Variants in CD46 observed in about 807,000 individuals in gnomAD.
CD46 encodes the protein membrane cofactor protein.
In CD46, 30 loss-of-function variants were observed where a neutral mutation model predicts 53.3. That is an observed-to-expected ratio of 0.56 (90% CI 0.42 to 0.76). The LOEUF is 0.76. Ranked by LOEUF, CD46 falls within the 30% of genes least tolerant of loss-of-function variation. The probability of loss-of-function intolerance (pLI) is 0.00; values close to 1 mark genes in which losing one functional copy is unlikely to be tolerated. For synonymous variants in CD46, 142 were observed against 152.0 expected (o/e 0.93, Z 0.48); for missense variants, 409 against 463.0 (o/e 0.88, Z 1.07).
At chr1:207,785,592 T>G in intron 10 of CD46, 27 bp from the exon 11 acceptor site, 2 of 1,526,376 alleles carry the variant, frequency 1.3e-6, no homozygotes, top group South Asian at 2.2e-5. Context: ...CAGAATTATA[T>G]GTCATTTGTT....
intron 3 of CD46, among the ~76,000 whole-genome samples, chr1:207,758,384 A>G (rs2102545833): frequency 6.6e-6 from 1 of 152,302 alleles, no homozygotes; most frequent in Admixed American, 6.5e-5. Context: ...GCTGCATCAT[A>G]ACATGCTGGA....
intron 5 of CD46, among the ~76,000 whole-genome samples, chr1:207,766,644 C>T (rs1359202950): frequency 2.0e-5 from 3 of 152,038 alleles, no homozygotes; most frequent in Non-Finnish European, 4.4e-5. Context: ...CCACCACCAC[C>T]CCCCTGCAGT....
chr1:207,779,723 T>C (rs905525811), intron 8 of CD46, among the ~76,000 whole-genome samples: 1 of 152,080 alleles, frequency 6.6e-6, no homozygotes, highest in African/African-American at 2.4e-5. Context: ...TAATGAGATA[T>C]ATGGTTCCAC....
chr1:207,755,357 G>C (rs536806416), intron 1 of CD46, among the ~76,000 whole-genome samples: 5 of 152,170 alleles, frequency 3.3e-5, no homozygotes, highest in South Asian at 2.1e-4. Flanking sequence ...AAAATGAGAA[G>C]TCACGATGCT....
intron 5 of CD46, 140 bp downstream of exon 5, chr1:207,761,586 G>A: frequency 1.4e-6 from 1 of 696,784 alleles, no homozygotes; most frequent in Non-Finnish European, 2.5e-6. Context: ...TTTAATTCAG[G>A]TCAATTCAAG....
At position 207,775,797 on chromosome 1, in the gene CD46, C is replaced by G. The variant is rs564160436; in HGVS notation, c.943+5435C>G. ...TGTTTGTCGGCCGCTACTGGGAGGT[C>G]TTTCCCAGTCAGGCTACATGGGTGT... On this transcript the variant is annotated intron_variant, in intron 8 of 12. Coordinates refer to ENST00000367042, the MANE Select transcript of CD46 (RefSeq NM_172351.3). Among the ~76,000 whole-genome samples the G allele has an allele frequency of 2.6e-5, 4 of 152,298 alleles. No individual in the cohort carries two copies. In the South Asian group the frequency reaches 8.3e-4, roughly 32 times the overall value.
chr1:207,763,450 G>GGCTCTCC (rs1367464119), intron 5 of CD46, among the ~76,000 whole-genome samples: 1 of 152,158 alleles, frequency 6.6e-6, no homozygotes, highest in Non-Finnish European at 1.5e-5. Context: ...TGGGAGCTAG[G>GGCTCTCC]GCTCTCCTCA....
intron 11 of CD46, 105 bp downstream of exon 11, chr1:207,785,787 TTTTTA>T (rs1257464873): frequency 2.8e-5 from 21 of 761,712 alleles, no homozygotes; most frequent in Non-Finnish European, 4.1e-5. Flanking sequence ...CTTTTTTTTT[TTTTTA>T]AAAAAATGCC....
intron 8 of CD46, among the ~76,000 whole-genome samples, chr1:207,779,920 T>C (rs1163156361): frequency 1.4e-5 from 2 of 145,746 alleles, no homozygotes; most frequent in African/African-American, 5.0e-5. Context: ...AGTCTTTTTT[T>C]TTTTTTTTTT....
intron 6 of CD46, 98 bp from the exon 7 acceptor site, chr1:207,767,681 T>A: frequency 6.2e-7 from 1 of 1,604,204 alleles, no homozygotes; most frequent in Non-Finnish European, 8.5e-7. Flanking sequence ...ATATGTCTTC[T>A]TCCTTATATG....
Position 207,757,007 on chromosome 1 carries a change from T to A in CD46, c.98-7T>A. On this transcript the variant is annotated splice_region_variant and splice_polypyrimidine_tract_variant and intron_variant, in intron 1 of 12. Transcript: ENST00000367042. ...TCATCTTCATGTTCCTATTCTCTTA[T>A]CCCTAGATGCCTGTGAGGAGCCACC... The A allele has an allele frequency of 6.2e-7, 1 of 1,611,258 alleles. No individual in the cohort carries two copies. The highest frequency in any genetic ancestry group is 8.5e-7 in the Non-Finnish European group (1 of 1,177,470).
intron 1 of CD46, among the ~76,000 whole-genome samples, chr1:207,756,426 G>A (rs899265511): frequency 6.6e-6 from 1 of 152,180 alleles, no homozygotes; most frequent in Admixed American, 6.5e-5. Context: ...CCAAACTAGG[G>A]TTGTTTTGAT....
chr1:207,752,181 C>T lies in CD46; in HGVS notation c.-32C>T. 2 of 1,603,114 alleles carry T rather than the reference C, an allele frequency of 1.2e-6. No homozygotes were observed. Among genetic ancestry groups the T allele is most frequent in the South Asian group, 1.1e-5 (1 of 90,890 alleles). On this transcript the variant is annotated 5_prime_UTR_variant, in exon 1 of 13. Transcript: ENST00000367042. The surrounding 1 kb of genome is among the most constrained non-coding windows in gnomAD (Gnocchi z 4.1). The stretch of plus-strand genomic sequence containing the variant: ...TGGCTCTCGGTTTCTCTGCTTTCCT[C>T]CGGAGAAATAACAGCGTCTTCCGCG...
chr1:207,794,768 C>A lies in CD46; in HGVS notation c.*1291C>A, dbSNP rs1299074036. The A allele has an allele frequency of 6.6e-6, 1 of 152,190 alleles. No homozygotes were observed. The highest frequency in any genetic ancestry group is 1.5e-5 in the Non-Finnish European group (1 of 68,024). 9.4% of individuals were successfully genotyped at this position (152,190 alleles called of 1,614,324 possible). Reference sequence around the variant, plus strand: ...CTCAGCCCTCTACTGAGTCCCTTAGCCAAGCAGTTTCTTTCAAAGAAGCCA... The same window carrying A: ...CTCAGCCCTCTACTGAGTCCCTTAGACAAGCAGTTTCTTTCAAAGAAGCCA... On this transcript the variant is annotated 3_prime_UTR_variant, in exon 13 of 13. Coordinates refer to ENST00000367042, the MANE Select transcript of CD46 (RefSeq NM_172351.3).
intron 12 of CD46, among the ~76,000 whole-genome samples, chr1:207,792,463 C>T (rs990890889): frequency 8.5e-5 from 13 of 152,230 alleles, no homozygotes; most frequent in East Asian, 1.9e-4. Context: ...AACCCGTTTA[C>T]GCCTGAGGTT....
Position 207,752,385 on chromosome 1 carries a change from G to C in CD46, c.97+76G>C. On this transcript the variant is annotated intron_variant, in intron 1 of 12. Coordinates refer to ENST00000367042, the MANE Select transcript of CD46 (RefSeq NM_172351.3). This position sits in a 1 kb window ranked among gnomAD's most constrained non-coding sequence, Gnocchi z 4.1. ...TCAGTCGGGCAAGAGTCGCGGGGCG[G>C]GGCTCACAGCAGGCCGTGCCTGTTT... is the stretch of plus-strand genomic sequence containing the variant. 7.3e-7 allele frequency: 1 copy of C among 1,372,830 alleles called. No homozygotes were observed. The highest frequency in any genetic ancestry group is 2.3e-5 in the East Asian group (1 of 43,828). The allele number at this position is 1,372,830 out of a possible 1,614,324, so 85.0% of individuals were successfully genotyped here.
At chr1:207,756,445 G>A (rs1655550398) in intron 1 of CD46, among the ~76,000 whole-genome samples, 2 of 152,156 alleles carry the variant, frequency 1.3e-5, no homozygotes, top group Non-Finnish European at 2.9e-5. Context: ...ATTTTCCCAG[G>A]CACGGTAGCA....
chr1:207,759,866 T>C (rs1349981639), intron 4 of CD46, 142 bp downstream of exon 4: 1 of 602,978 alleles, frequency 1.7e-6, no homozygotes, highest in Non-Finnish European at 3.0e-6. Flanking sequence ...ATTTATCATA[T>C]TGGAATTCAA....
chr1:207,766,515 G>A (rs760520950), intron 5 of CD46, among the ~76,000 whole-genome samples: 1 of 151,984 alleles, frequency 6.6e-6, no homozygotes, highest in Non-Finnish European at 1.5e-5. Context: ...AGAGAATGGT[G>A]TAAAATATTA....
Sources: allele counts gnomAD v4.1 joint callset (sites outside exome capture counted in the v4.1 genomes callset), GRCh38; gene constraint gnomAD v4.1.1; non-coding constraint Gnocchi (gnomAD v3.1); transcripts MANE v1.5; gene names NCBI Gene and HGNC (gene_info 2026-07-23, HGNC 2026-07-21).